The following SSUH2 variants were observed in gnomAD, a reference collection of about 807,000 sequenced individuals.
SSUH2 encodes the protein ssu-2 homolog, also known as protein SSUH2 homolog.
Under a neutral mutation model 55.3 loss-of-function variants are expected in SSUH2, and 47 were observed. The observed-to-expected ratio is 0.85, with a 90% CI of 0.67 to 1.08. The LOEUF is 1.08. Ranked by LOEUF, SSUH2 falls within the 50% of genes least tolerant of loss-of-function variation. The pLI, the probability that SSUH2 is intolerant of heterozygous loss-of-function variation, is 0.00. For synonymous variants in SSUH2, 212 were observed against 191.5 expected (o/e 1.11, Z -0.89); for missense variants, 535 against 490.7 (o/e 1.09, Z -0.85).
rs199865677 is a variant in SSUH2, at chr3:8,673,304, GTTAA to G, written c.-752-1273_-752-1270del. On this transcript the variant is annotated intron_variant, in intron 3 of 18. Transcript: ENST00000317371. Reference sequence around the variant, plus strand: ...GTTATTAATATTGATAATTAGAAGTGTTAATTAATAATTGAGATTATTAATTGCG... The same window carrying G: ...GTTATTAATATTGATAATTAGAAGTGTTAATAATTGAGATTATTAATTGCG... Among the ~76,000 whole-genome samples, 707 of 152,130 alleles carry G rather than the reference GTTAA, an allele frequency of 4.6e-3. 4 individuals carry two copies. Among genetic ancestry groups the G allele is most frequent in the African/African-American group, 0.016 (663 of 41,480 alleles).
At chr3:8,635,063 G>A (rs1333165765) in intron 3 of SSUH2, among the ~76,000 whole-genome samples, 1 of 152,188 alleles carries the variant, frequency 6.6e-6, no homozygotes, top group African/African-American at 2.4e-5. Flanking sequence ...CCACAGACAG[G>A]AGTTTGCAAC....
chr3:8,681,476 A>AG (rs781383686), intron 1 of SSUH2, among the ~76,000 whole-genome samples: 1 of 127,134 alleles, frequency 7.9e-6, no homozygotes, highest in Non-Finnish European at 1.7e-5. Flanking sequence ...CCCCCGTCGT[A>AG]GGGGGGAGGC....
At chr3:8,639,468 C>A (rs1004248113) in intron 1 of SSUH2, among the ~76,000 whole-genome samples, 1 of 152,174 alleles carries the variant, frequency 6.6e-6, no homozygotes. Context: ...TGTCTCCAAG[C>A]CCAGTGACCT....
intron 3 of SSUH2, chr3:8,634,187 G>T (rs1055533568): frequency 1.7e-6 from 1 of 597,572 alleles, no homozygotes. Context: ...TCCTGCCCTC[G>T]GGTACCTTGA....
intron 1 of SSUH2, among the ~76,000 whole-genome samples, chr3:8,636,319 G>A (rs1482112229): frequency 2.0e-5 from 3 of 152,092 alleles, no homozygotes; most frequent in Non-Finnish European, 2.9e-5. Flanking sequence ...GAGGGACCAT[G>A]AGGAGACCCT....
chr3:8,659,826 G>C (rs1435971860), intron 6 of SSUH2: 1 of 455,740 alleles, frequency 2.2e-6, no homozygotes, highest in African/African-American at 2.0e-5. Context: ...GAGAGAGATA[G>C]AGAAGGAGGC....
intron 4 of SSUH2, 93 bp downstream of exon 4, chr3:8,633,573 C>G: frequency 9.1e-7 from 1 of 1,102,456 alleles, no homozygotes; most frequent in Non-Finnish European, 1.3e-6. Flanking sequence ...CTCCTTTCCC[C>G]TGGCCACATC....
At chr3:8,647,701 G>A (rs904490470), upstream of SSUH2, among the ~76,000 whole-genome samples, 1 of 152,184 alleles carries the variant, frequency 6.6e-6, no homozygotes. Context: ...AATGCTCCCT[G>A]CACATCCACC....
rs748556839 is a variant in SSUH2 at position 8,630,934 on chromosome 3, C to G, written c.401-5G>C. ...GCGGCCCATCCACAGAGTGGTCTGA[C>G]ACAGAAAGGGGTCATTGTAAGAATG... On this transcript the variant is annotated splice_region_variant and splice_polypyrimidine_tract_variant and intron_variant, in intron 5 of 11. Transcript: ENST00000544814. The G allele has an allele frequency of 1.1e-5, 16 of 1,410,472 alleles. No individual in the cohort carries two copies. The South Asian group carries it at 2.8e-4, about 25-fold the overall frequency. 87.4% of individuals were successfully genotyped at this position (1,410,472 alleles called of 1,614,324 possible). A position where few individuals can be genotyped will look rare whatever the true frequency, so the allele number is the denominator to read the frequency against.
At chr3:8,640,145 GA>G (rs1700594144) in intron 1 of SSUH2, 1 of 302,876 alleles carries the variant, frequency 3.3e-6, no homozygotes, top group Non-Finnish European at 4.8e-6. Context: ...GGGTTCCAGA[GA>G]AGGATGGTCA....
chr3:8,665,443 C>T (rs1703907241), intron 5 of SSUH2, among the ~76,000 whole-genome samples: 1 of 152,156 alleles, frequency 6.6e-6, no homozygotes. Flanking sequence ...CAGTCTCTGT[C>T]CCTCAGTGTT....
At chr3:8,644,023 T>C (rs958763109) in intron 1 of SSUH2, among the ~76,000 whole-genome samples, 3 of 147,656 alleles carry the variant, frequency 2.0e-5, no homozygotes, top group Admixed American at 6.9e-5. Context: ...CCCTCTGCAC[T>C]GCCTGTTTCA....
At chr3:8,646,024 AC>A (rs1363314716), upstream of SSUH2, among the ~76,000 whole-genome samples, 1 of 152,228 alleles carries the variant, frequency 6.6e-6, no homozygotes, top group Non-Finnish European at 1.5e-5. Context: ...TACTGTGTAT[AC>A]ACAAGGAAGA....
chr3:8,645,360 T>A (rs1575234956), upstream of SSUH2, among the ~76,000 whole-genome samples: 1 of 152,074 alleles, frequency 6.6e-6, no homozygotes, highest in Non-Finnish European at 1.5e-5. Context: ...CAGAGCTGGC[T>A]CCCAACCCAG....
At chr3:8,681,882 A>T (rs949668826) in intron 1 of SSUH2, 1 of 162,208 alleles carries the variant, frequency 6.2e-6, no homozygotes. Flanking sequence ...TAAGATCCTT[A>T]GGACCCACCT....
At chr3:8,652,722 T>C (rs1041042954) in intron 7 of SSUH2, among the ~76,000 whole-genome samples, 1 of 152,172 alleles carries the variant, frequency 6.6e-6, no homozygotes, top group Non-Finnish European at 1.5e-5. Flanking sequence ...TTCCCCCATT[T>C]GAAACATTCT....
chr3:8,658,579 G>C (rs541603827), intron 7 of SSUH2, among the ~76,000 whole-genome samples: 1 of 152,302 alleles, frequency 6.6e-6, no homozygotes, highest in South Asian at 2.1e-4. Flanking sequence ...GTTCGGCCGG[G>C]TGGTTTACAC....
chr3:8,625,732 G>T, intron 9 of SSUH2, 85 bp from the exon 10 acceptor site: 1 of 939,246 alleles, frequency 1.1e-6, no homozygotes, highest in Non-Finnish European at 1.7e-6. Flanking sequence ...ACCTGGGGTT[G>T]AGGGCTTGAA....
intron 6 of SSUH2, among the ~76,000 whole-genome samples, chr3:8,662,806 C>T (rs1226793615): frequency 6.6e-6 from 1 of 152,234 alleles, no homozygotes; most frequent in African/African-American, 2.4e-5. Flanking sequence ...CAAATCTGCA[C>T]TCGCAGACAG....
Sources: gnomAD v4.1 joint callset for allele counts (sites outside exome capture counted in the v4.1 genomes callset) on GRCh38, gnomAD v4.1.1 for gene constraint, MANE v1.5 for transcripts, NCBI Gene and HGNC (gene_info 2026-07-23, HGNC 2026-07-21) for gene names.